Variants in KCNJ6 observed in about 807,000 individuals in gnomAD.
KCNJ6 encodes potassium inwardly rectifying channel subfamily J member 6.
In KCNJ6, 9 loss-of-function variants were observed where a neutral mutation model predicts 34.2. That is an observed-to-expected ratio of 0.26 (90% confidence interval 0.16 to 0.46). KCNJ6 has a LOEUF of 0.46. Among genes scored for constraint, KCNJ6 ranks in the 20% least tolerant of loss-of-function variants. KCNJ6 has a pLI of 1.00. For synonymous variants in KCNJ6, 196 were observed against 207.1 expected (o/e 0.95, Z 0.46); for missense variants, 236 against 531.3 (o/e 0.44, Z 5.46).
intron 3 of KCNJ6, among the ~76,000 whole-genome samples, chr21:37,641,103 C>A (rs1306285947): frequency 6.6e-6 from 1 of 152,192 alleles, no homozygotes; most frequent in African/African-American, 2.4e-5. Flanking sequence ...CCAGTGCTCA[C>A]CCCATCAGAA....
intron 1 of KCNJ6, among the ~76,000 whole-genome samples, chr21:37,873,810 A>G (rs754940203): frequency 7.9e-5 from 12 of 152,098 alleles, no homozygotes; most frequent in Non-Finnish European, 1.5e-4. Context: ...ACAAACTACC[A>G]GATCACATCT....
At chr21:37,840,550 A>C (rs550269003) in intron 2 of KCNJ6, 108 bp downstream of exon 2, 2 of 729,830 alleles carry the variant, frequency 2.7e-6, no homozygotes, top group South Asian at 3.4e-5. Flanking sequence ...GTCCCGTAAG[A>C]GCAAAAGAGA....
chr21:37,911,706 T>C (rs2055867873), intron 1 of KCNJ6, among the ~76,000 whole-genome samples: 1 of 152,204 alleles, frequency 6.6e-6, no homozygotes, highest in Non-Finnish European at 1.5e-5. Context: ...ACATATCATT[T>C]GATAAAGGAA....
intron 3 of KCNJ6, among the ~76,000 whole-genome samples, chr21:37,665,962 G>A (rs1176853514): frequency 6.6e-6 from 1 of 152,174 alleles, no homozygotes; most frequent in African/African-American, 2.4e-5. Flanking sequence ...GTAGAAAAAG[G>A]AGCCAGAAAT....
At chr21:37,671,917 AC>A (rs2054544031) in intron 3 of KCNJ6, among the ~76,000 whole-genome samples, 1 of 152,148 alleles carries the variant, frequency 6.6e-6, no homozygotes, top group Admixed American at 6.5e-5. Context: ...GTACTCTACA[AC>A]TTTTCTGAAT....
At chr21:37,677,677 G>T (rs1470737184) in intron 3 of KCNJ6, among the ~76,000 whole-genome samples, 1 of 150,208 alleles carries the variant, frequency 6.7e-6, no homozygotes, top group Non-Finnish European at 1.5e-5. Context: ...CAAGAGATCA[G>T]AAACTGTTTC....
In KCNJ6 at chr21:37,714,782, C is replaced by T; in HGVS notation, c.375G>A (p.Glu125=). The T allele has an allele frequency of 6.2e-7, 1 of 1,614,166 alleles. No homozygotes were observed. The highest frequency in any genetic ancestry group is 8.5e-7 in the Non-Finnish European group (1 of 1,180,024). Residue 125 remains glutamate (E), a synonymous_variant, in exon 3 of 4, where the codon GAG becomes GAA. Transcript: ENST00000609713. This position sits in a 1 kb window ranked among gnomAD's most constrained non-coding sequence, Gnocchi z 5.9. ...TAACACAAGGAGTCCAGGAGGGGTCCTCTATGTGGTCCATGTCTCCCCGTA... is the reference window on the plus strand; with the variant it reads ...TAACACAAGGAGTCCAGGAGGGGTCTTCTATGTGGTCCATGTCTCCCCGTA... ...AYIRGDMDHI[E]DPSWTPCVTN... is the part of the protein sequence containing the mutation.
chr21:37,692,080 C>A (rs1206359037), intron 3 of KCNJ6, among the ~76,000 whole-genome samples: 2 of 152,086 alleles, frequency 1.3e-5, no homozygotes, highest in Non-Finnish European at 2.9e-5. Flanking sequence ...TGCATTAGGA[C>A]AAATACTTAA....
intron 3 of KCNJ6, among the ~76,000 whole-genome samples, chr21:37,645,026 T>G (rs1762624951): frequency 6.6e-6 from 1 of 151,612 alleles, no homozygotes; most frequent in Non-Finnish European, 1.5e-5. Context: ...GGTTTTTTTT[T>G]TTTTTTTTTG....
intron 2 of KCNJ6, among the ~76,000 whole-genome samples, chr21:37,809,088 CGGCACTATTCACAATAGCAAAGGCTT>C (rs1163944644): frequency 6.6e-6 from 1 of 152,126 alleles, no homozygotes; most frequent in African/African-American, 2.4e-5. Context: ...ATGTTTATTG[CGGCACTATTCACAATAGCAAAGGCTT>C]GGAACCAACC....
chr21:37,799,821 T>C (rs1355384677), intron 2 of KCNJ6, among the ~76,000 whole-genome samples: 2 of 152,210 alleles, frequency 1.3e-5, no homozygotes, highest in Non-Finnish European at 2.9e-5. Context: ...AGCCCTAATT[T>C]TGAGAGAGCA....
At chr21:37,712,195 G>A (rs1039075714) in intron 3 of KCNJ6, among the ~76,000 whole-genome samples, 1 of 152,146 alleles carries the variant, frequency 6.6e-6, no homozygotes, top group African/African-American at 2.4e-5. Context: ...GTAACCAGAG[G>A]GTACGTCTCC....
At position 37,883,495 on chromosome 21, in the gene KCNJ6, A is replaced by T. The variant is rs148844686; in HGVS notation, c.-28+32389T>A. Among the ~76,000 whole-genome samples the T allele has an allele frequency of 1.8e-3, 268 of 152,252 alleles. 3 individuals are homozygous for T. Among genetic ancestry groups the T allele is most frequent in the South Asian group, 0.013 (62 of 4,824 alleles). ...GCTTCATGTTACTGGGGAGCTTGTC[A>T]TCTGATGGTCTTGCTTGACCAAGCA... is the stretch of plus-strand genomic sequence containing the variant. On this transcript the variant is annotated intron_variant, in intron 1 of 3. Coordinates refer to ENST00000609713, the MANE Select transcript of KCNJ6 (RefSeq NM_002240.5).
chr21:37,809,140 G>C (rs965755859), intron 2 of KCNJ6, among the ~76,000 whole-genome samples: 1 of 152,130 alleles, frequency 6.6e-6, no homozygotes, highest in Non-Finnish European at 1.5e-5. Context: ...GTCCAACAAC[G>C]ATAGACTGGA....
chr21:37,713,084 A>T (rs1162835528), intron 3 of KCNJ6, among the ~76,000 whole-genome samples: 1 of 152,098 alleles, frequency 6.6e-6, no homozygotes, highest in African/African-American at 2.4e-5. Flanking sequence ...CCGTAAAAGA[A>T]ATTTGTGAGA....
chr21:37,694,051 G>A (rs914523870), intron 3 of KCNJ6, among the ~76,000 whole-genome samples: 3 of 152,084 alleles, frequency 2.0e-5, no homozygotes, highest in Non-Finnish European at 2.9e-5. Flanking sequence ...GCCAGCCACC[G>A]GGCAAATGGT....
chr21:37,695,070 A>G lies in KCNJ6; in HGVS notation c.946+19141T>C, dbSNP rs2054658200. ...CTGAGCTGACTAATATACACAGCAT[A>G]TAACACAGCCAATTTCAGGGGTGGT... On this transcript the variant is annotated intron_variant, in intron 3 of 3. Transcript: ENST00000609713. The surrounding 1 kb of genome is among the most constrained non-coding windows in gnomAD (Gnocchi z 4.2). Among the ~76,000 whole-genome samples the G allele has an allele frequency of 6.6e-6, 1 of 152,230 alleles. No individual in the cohort carries two copies. Among genetic ancestry groups the G allele is most frequent in the Non-Finnish European group, 1.5e-5 (1 of 68,036 alleles).
chr21:37,623,503 C>G lies in KCNJ6; in HGVS notation c.*1656G>C, dbSNP rs539026617. 5.3e-5 allele frequency: 8 copies of G among 152,212 alleles called. No homozygotes were observed. The highest frequency in any genetic ancestry group is 1.2e-4 in the Non-Finnish European group (8 of 68,032). The allele number at this position is 152,212 out of a possible 1,614,324, so 9.4% of individuals were successfully genotyped here. A position where few individuals can be genotyped will look rare whatever the true frequency, so the allele number is the denominator to read the frequency against. On this transcript the variant is annotated 3_prime_UTR_variant, in exon 4 of 4. Coordinates refer to ENST00000609713, the MANE Select transcript of KCNJ6 (RefSeq NM_002240.5). ...TAAATGCAAAGTGAATGTGAAAGAT[C>G]TGTAACAGTGCAAAATCTCCACCTG...
At chr21:37,761,820 C>T (rs576654275) in intron 2 of KCNJ6, among the ~76,000 whole-genome samples, 8 of 151,810 alleles carry the variant, frequency 5.3e-5, no homozygotes, top group Admixed American at 6.6e-5. Context: ...TGTTGTGTGT[C>T]GTGTGGTGTC....
Sources: gnomAD v4.1 joint callset for allele counts (sites outside exome capture counted in the v4.1 genomes callset) on GRCh38, gnomAD v4.1.1 for gene constraint, Gnocchi (gnomAD v3.1) non-coding constraint, MANE v1.5 for transcripts, NCBI Gene and HGNC (gene_info 2026-07-23, HGNC 2026-07-21) for gene names.